ASB15: variants seen among roughly 807,000 people sequenced by gnomAD.
ASB15 encodes ankyrin repeat and SOCS box containing 15.
ASB15 carries 54 observed loss-of-function variants against 58.0 expected under a neutral mutation model. That is an observed-to-expected ratio of 0.93 (90% CI 0.75 to 1.17). The LOEUF (loss-of-function observed/expected upper bound fraction) is 1.17, where lower values mean the gene tolerates loss of function less well. Among genes scored for constraint, ASB15 ranks in the 50% most tolerant of loss-of-function variants. The pLI, the probability that ASB15 is intolerant of heterozygous loss-of-function variation, is 0.00. For missense variants in ASB15, 680 were observed against 707.4 expected (o/e 0.96, Z 0.44); for synonymous variants, 249 against 262.4 (o/e 0.95, Z 0.50).
intron 1 of ASB15, among the ~76,000 whole-genome samples, chr7:123,580,277 G>T (rs1250984831): frequency 6.6e-6 from 1 of 152,060 alleles, no homozygotes; most frequent in Non-Finnish European, 1.5e-5. Context: ...GTCCTCAGGT[G>T]CATGGCAGGC....
chr7:123,629,833 A>T, intron 10 of ASB15, 133 bp from the exon 11 acceptor site: 1 of 695,724 alleles, frequency 1.4e-6, no homozygotes, highest in Non-Finnish European at 2.2e-6. Context: ...ATTTATTTTT[A>T]ATTTTTGTTC....
At chr7:123,575,288 C>G (rs1163723659) in intron 1 of ASB15, among the ~76,000 whole-genome samples, 1 of 152,036 alleles carries the variant, frequency 6.6e-6, no homozygotes, top group Non-Finnish European at 1.5e-5. Context: ...TCTCTCTCAT[C>G]CTTTGCATAT....
chr7:123,601,548 C>A (rs1373161180), upstream of ASB15, among the ~76,000 whole-genome samples: 1 of 152,110 alleles, frequency 6.6e-6, no homozygotes, highest in African/African-American at 2.4e-5. Context: ...TGAACAAATA[C>A]CTTTAAATTG....
intron 6 of ASB15, among the ~76,000 whole-genome samples, chr7:123,617,316 A>G (rs1328735192): frequency 6.6e-6 from 1 of 152,228 alleles, no homozygotes; most frequent in Non-Finnish European, 1.5e-5. Flanking sequence ...TTTGTAATGT[A>G]TCAAGAAATG....
chr7:123,636,695 TG>T lies in ASB15; in HGVS notation c.1595-113del. 5 of 824,356 alleles carry T rather than the reference TG, an allele frequency of 6.1e-6. No homozygotes were observed. In the South Asian group the frequency reaches 9.4e-5, roughly 16 times the overall value. 51.1% of individuals were successfully genotyped at this position (824,356 alleles called of 1,614,324 possible). ...CACTTAAAATCACCAGTTGCTAAAG[TG>T]TGCATACATGTTTTTGAGAATACAC... On this transcript the variant is annotated intron_variant, in intron 11 of 11. Coordinates refer to ENST00000451215, the MANE Select transcript of ASB15 (RefSeq NM_001290258.2).
chr7:123,572,550 T>C (rs1057160760), intron 1 of ASB15, among the ~76,000 whole-genome samples: 33 of 152,248 alleles, frequency 2.2e-4, no homozygotes, highest in Admixed American at 2.0e-3. Flanking sequence ...ATCGTAAAGA[T>C]TGATGTATCT....
chr7:123,577,467 TGAC>T (rs1452931718), intron 1 of ASB15, among the ~76,000 whole-genome samples: 1 of 152,174 alleles, frequency 6.6e-6, no homozygotes, highest in Non-Finnish European at 1.5e-5. Flanking sequence ...CACATCACAA[TGAC>T]ATTTGCTTTT....
intron 2 of ASB15, among the ~76,000 whole-genome samples, chr7:123,605,618 A>G (rs936353193): frequency 6.6e-6 from 1 of 152,206 alleles, no homozygotes; most frequent in African/African-American, 2.4e-5. Flanking sequence ...AGTAGACTGG[A>G]TAAAGATAAT....
At chr7:123,590,163 G>C (rs1799494561) in intron 1 of ASB15, among the ~76,000 whole-genome samples, 1 of 151,962 alleles carries the variant, frequency 6.6e-6, no homozygotes, top group Non-Finnish European at 1.5e-5. Context: ...TTGTTGATGG[G>C]GTTGTTTGTT....
In ASB15 at chr7:123,636,799, T is replaced by C. The variant is rs1802450398; in HGVS notation, c.1595-10T>C. On this transcript the variant is annotated splice_polypyrimidine_tract_variant and intron_variant, in intron 11 of 11. Transcript: ENST00000451215. ...AAAATTTTTTTGCTTATTTTCCCGA[T>C]TTCTTTTAGAGAATCCTTGTTCATT... 6.3e-7 allele frequency: 1 copy of C among 1,590,336 alleles called. No homozygotes were observed. Among genetic ancestry groups the C allele is most frequent in the African/African-American group, 1.4e-5 (1 of 73,336 alleles).
intron 7 of ASB15, among the ~76,000 whole-genome samples, chr7:123,624,314 G>T (rs1424457117): frequency 1.3e-5 from 2 of 152,126 alleles, no homozygotes; most frequent in Non-Finnish European, 2.9e-5. Context: ...CTAGTGATAC[G>T]TGTTATTTTC....
intron 2 of ASB15, among the ~76,000 whole-genome samples, chr7:123,607,396 G>T (rs77119663): frequency 0.017 from 2,572 of 152,070 alleles, 74 homozygotes; most frequent in African/African-American, 0.059. Flanking sequence ...CATTTATGTT[G>T]TTTCTAATGT....
In ASB15 at chr7:123,570,663, A is replaced by G. The variant is rs542256054; in HGVS notation, c.-443+3575A>G. Among the ~76,000 whole-genome samples the G allele has an allele frequency of 1.1e-4, 17 of 152,304 alleles. No homozygotes were observed. The South Asian group carries it at 3.5e-3, about 32-fold the overall frequency. ...AGGCCTTAGCAGAATAGCCCTAAAG[A>G]ATCCTTTGGTAAATCTTGTATTAGT... On this transcript the variant is annotated intron_variant, in intron 1 of 13. Transcript: ENST00000451558.
chr7:123,622,474 G>C (rs1801394866), intron 7 of ASB15, among the ~76,000 whole-genome samples: 1 of 152,056 alleles, frequency 6.6e-6, no homozygotes, highest in South Asian at 2.1e-4. Context: ...ATTTCTATGG[G>C]AAATACATTC....
At chr7:123,581,179 C>T (rs769336888) in intron 1 of ASB15, among the ~76,000 whole-genome samples, 1 of 151,838 alleles carries the variant, frequency 6.6e-6, no homozygotes, top group Non-Finnish European at 1.5e-5. Context: ...ATGAATGTTG[C>T]TCAGGGCATG....
intron 1 of ASB15, among the ~76,000 whole-genome samples, chr7:123,592,517 C>A (rs1221714976): frequency 6.6e-6 from 1 of 152,110 alleles, no homozygotes; most frequent in African/African-American, 2.4e-5. Context: ...AGAACATCTT[C>A]ATTTCTGCCT....
intron 1 of ASB15, among the ~76,000 whole-genome samples, chr7:123,585,211 T>C (rs928389046): frequency 8.6e-5 from 13 of 151,628 alleles, no homozygotes; most frequent in African/African-American, 3.1e-4. Context: ...TTTGTACCAA[T>C]CCCCCTCTTA....
intron 1 of ASB15, among the ~76,000 whole-genome samples, chr7:123,588,019 G>A (rs1390841830): frequency 6.6e-6 from 1 of 151,674 alleles, no homozygotes; most frequent in Non-Finnish European, 1.5e-5. Context: ...TCCTTGTCTG[G>A]CTTTGGTATC....
At chr7:123,601,101 G>A (rs903369509), upstream of ASB15, among the ~76,000 whole-genome samples, 1 of 152,176 alleles carries the variant, frequency 6.6e-6, no homozygotes, top group Admixed American at 6.5e-5. Context: ...TGTGAGTGCC[G>A]ATGGTGGCCT....
Sources: allele counts gnomAD v4.1 joint callset (sites outside exome capture counted in the v4.1 genomes callset), GRCh38; gene constraint gnomAD v4.1.1; transcripts MANE v1.5; gene names NCBI Gene and HGNC (gene_info 2026-07-23, HGNC 2026-07-21).